The following PPP4R3A variants were observed in gnomAD, a reference collection of about 807,000 sequenced individuals.
PPP4R3A encodes the protein serine/threonine-protein phosphatase 4 regulatory subunit 3A.
PPP4R3A carries 15 observed loss-of-function variants against 91.7 expected under a neutral mutation model. The ratio of observed to expected loss-of-function variants is 0.16; its 90% CI spans 0.11 to 0.25. PPP4R3A has a LOEUF of 0.25. Ranked by LOEUF, PPP4R3A falls within the 10% of genes least tolerant of loss-of-function variation. PPP4R3A has a pLI of 1.00. For synonymous variants in PPP4R3A, 377 were observed against 348.7 expected (o/e 1.08, Z -0.91); for missense variants, 623 against 998.4 (o/e 0.62, Z 5.07).
Position 91,457,555 on chromosome 14 carries a change from T to G in PPP4R3A, c.*1204A>C, listed in dbSNP as rs1404068765. On this transcript the variant is annotated 3_prime_UTR_variant, in exon 15 of 15. Transcript: ENST00000554943. ...AGAAACCACCACTTACAAGTCAAAC[T>G]GGTATTCCAAAGGGAGTAGTTAAAA... The G allele has an allele frequency of 5.9e-5, 9 of 152,568 alleles. No individual in the cohort carries two copies. 9.5% of individuals were successfully genotyped at this position (152,568 alleles called of 1,614,324 possible).
At chr14:91,503,190 G>A (rs1891065247) in intron 1 of PPP4R3A, among the ~76,000 whole-genome samples, 1 of 152,064 alleles carries the variant, frequency 6.6e-6, no homozygotes, top group Non-Finnish European at 1.5e-5. Flanking sequence ...GTCTTGCTAT[G>A]TTGCCCAGGC....
chr14:91,461,540 G>T lies in PPP4R3A; in HGVS notation c.2232C>A (p.Phe744Leu), dbSNP rs889764726. The change falls in exon 14 of 15, where the codon TTC becomes TTA. Residue 744 changes from phenylalanine to leucine, a missense_variant. Physicochemically the swap from Phe to Leu is conservative, Grantham distance 22 (BLOSUM62 0). Transcript: ENST00000554943. ...TNLSGRQSPS[F>L]KLSLSSGTKT... ...TCGTTCCACTGGACAGGGAAAGCTT[G>T]AAACTTGGGCTCTGCCGTCCAGAAA... is the stretch of plus-strand genomic sequence containing the variant. The T allele has an allele frequency of 4.3e-6, 7 of 1,614,084 alleles. No homozygotes were observed. The highest frequency in any genetic ancestry group is 3.3e-5 in the Admixed American group (2 of 60,016).
intron 10 of PPP4R3A, among the ~76,000 whole-genome samples, chr14:91,469,509 T>TG (rs1595055520): frequency 2.0e-5 from 3 of 152,352 alleles, no homozygotes; most frequent in Non-Finnish European, 4.4e-5. Context: ...AATGTTGCCC[T>TG]GATAGGAAGT....
At chr14:91,471,284 T>A (rs1888815113) in intron 9 of PPP4R3A, among the ~76,000 whole-genome samples, 1 of 152,164 alleles carries the variant, frequency 6.6e-6, no homozygotes, top group Admixed American at 6.5e-5. Context: ...ATGATACAAA[T>A]CTAGAGTATC....
In PPP4R3A at chr14:91,461,803, C is replaced by T. The variant is rs1397333584; in HGVS notation, c.2165-196G>A. On this transcript the variant is annotated intron_variant, in intron 13 of 14. Transcript: ENST00000554943. ...ATCTTACCCCAGAGAAGAATTGAAACCTTCAGAATCATATTTAGTATCCCT... is the reference window on the plus strand; with the variant it reads ...ATCTTACCCCAGAGAAGAATTGAAATCTTCAGAATCATATTTAGTATCCCT... 1.1e-5 allele frequency: 9 copies of T among 839,526 alleles called. No homozygotes were observed. In the South Asian group the frequency reaches 1.6e-4, roughly 15 times the overall value. 52.0% of individuals were successfully genotyped at this position (839,526 alleles called of 1,614,324 possible).
At chr14:91,499,800 G>C (rs949817507) in intron 1 of PPP4R3A, among the ~76,000 whole-genome samples, 5 of 140,974 alleles carry the variant, frequency 3.5e-5, no homozygotes, top group African/African-American at 1.3e-4. Context: ...CAACCTGGGT[G>C]ACAGAGCGAG....
At position 91,468,667 on chromosome 14, in the gene PPP4R3A, CAAAA is replaced by C. The variant is rs766250846; in HGVS notation, c.1660+2166_1660+2169del. On this transcript the variant is annotated intron_variant, in intron 10 of 14. Coordinates refer to ENST00000554943, the MANE Select transcript of PPP4R3A (RefSeq NM_001366432.2). ...AAGGCGACAGAGTGAGACTCCGTCT[CAAAA>C]AAAAAAAAAAAAAAAAAAGGAAAAA... is the stretch of plus-strand genomic sequence containing the variant. Among the ~76,000 whole-genome samples, 29 of 45,044 alleles carry C rather than the reference CAAAA, an allele frequency of 6.4e-4. 1 individual carries two copies. Among genetic ancestry groups the C allele is most frequent in the Admixed American group, 9.3e-4 (2 of 2,142 alleles). 29.6% of individuals were successfully genotyped at this position (45,044 alleles called of 152,430 possible).
intron 1 of PPP4R3A, among the ~76,000 whole-genome samples, chr14:91,498,400 G>A (rs1032039046): frequency 6.6e-6 from 1 of 151,352 alleles, no homozygotes; most frequent in African/African-American, 2.4e-5. Context: ...TTTTCTTAAT[G>A]ATATTTTGTT....
At chr14:91,467,706 C>A (rs528477739) in intron 10 of PPP4R3A, among the ~76,000 whole-genome samples, 39 of 152,138 alleles carry the variant, frequency 2.6e-4, no homozygotes, top group Non-Finnish European at 5.0e-4. Flanking sequence ...CTATAAAGAC[C>A]GAGTTTAGAA....
At chr14:91,496,673 C>T (rs1256520269) in intron 1 of PPP4R3A, among the ~76,000 whole-genome samples, 3 of 152,132 alleles carry the variant, frequency 2.0e-5, no homozygotes, top group Non-Finnish European at 2.9e-5. Flanking sequence ...AGGGAAGTAT[C>T]CCCTGAAACT....
intron 1 of PPP4R3A, among the ~76,000 whole-genome samples, chr14:91,493,202 A>G (rs1890330853): frequency 6.6e-6 from 1 of 152,052 alleles, no homozygotes. Flanking sequence ...CAGCCTGGCC[A>G]ACATGGTTAA....
At chr14:91,507,413 CTAT>C (rs1209643592) in intron 1 of PPP4R3A, among the ~76,000 whole-genome samples, 3 of 95,118 alleles carry the variant, frequency 3.2e-5, no homozygotes, top group African/African-American at 7.2e-5. Flanking sequence ...ATTATATATA[CTAT>C]ATAATATATA....
intron 3 of PPP4R3A, among the ~76,000 whole-genome samples, chr14:91,485,338 A>G (rs1889818421): frequency 6.6e-6 from 1 of 152,234 alleles, no homozygotes; most frequent in Non-Finnish European, 1.5e-5. Context: ...TGGGATAGAT[A>G]TATGTGAGAA....
In PPP4R3A at chr14:91,473,840, C is replaced by T. The variant is rs185311568; in HGVS notation, c.1267-470G>A. Among the ~76,000 whole-genome samples, 183 of 113,636 alleles carry T rather than the reference C, an allele frequency of 1.6e-3. 1 individual carries two copies. Among genetic ancestry groups the T allele is most frequent in the African/African-American group, 6.0e-3 (178 of 29,886 alleles). The allele number at this position is 113,636 out of a possible 152,430, so 74.5% of individuals were successfully genotyped here. On this transcript the variant is annotated intron_variant, in intron 7 of 14. Coordinates refer to ENST00000554943, the MANE Select transcript of PPP4R3A (RefSeq NM_001366432.2). ...AGGCTGGAGTGCAATGGCACGATCT[C>T]GTCTTACTAACCTCCACCTCCCGGG...
At chr14:91,472,990 A>G in intron 9 of PPP4R3A, 43 bp downstream of exon 9, 1 of 1,572,862 alleles carries the variant, frequency 6.4e-7, no homozygotes, top group East Asian at 2.2e-5. Flanking sequence ...TGAATTCAGC[A>G]TTCAAGAACA....
intron 1 of PPP4R3A, among the ~76,000 whole-genome samples, chr14:91,502,976 T>C (rs566905454): frequency 2.0e-5 from 3 of 152,272 alleles, no homozygotes; most frequent in Non-Finnish European, 4.4e-5. Context: ...CTCCCTTACA[T>C]TTCTTTCTTT....
intron 1 of PPP4R3A, among the ~76,000 whole-genome samples, chr14:91,507,602 C>T (rs1465228035): frequency 2.2e-4 from 9 of 41,858 alleles, no homozygotes; most frequent in African/African-American, 6.0e-4. Flanking sequence ...ACATGTTATA[C>T]ATACTATAGT....
Position 91,458,709 on chromosome 14 carries a change from TGGA to T in PPP4R3A, c.*47_*49del. 1 of 1,613,574 alleles carries T rather than the reference TGGA, an allele frequency of 6.2e-7. No individual in the cohort carries two copies. The highest frequency in any genetic ancestry group is 1.3e-5 in the African/African-American group (1 of 74,954). On this transcript the variant is annotated 3_prime_UTR_variant, in exon 15 of 15. Coordinates refer to ENST00000554943, the MANE Select transcript of PPP4R3A (RefSeq NM_001366432.2). ...TTGTGGATTTTGTATGGGGGAGGGG[TGGA>T]GAACCAGTTTTTTTCAACAGGTACT...
chr14:91,483,428 G>C (rs954396459), intron 3 of PPP4R3A, among the ~76,000 whole-genome samples: 6 of 152,288 alleles, frequency 3.9e-5, no homozygotes, highest in Non-Finnish European at 5.9e-5. Context: ...CACATTCATG[G>C]CTTGTACCTG....
Sources: gnomAD v4.1 joint callset for allele counts (sites outside exome capture counted in the v4.1 genomes callset) on GRCh38, gnomAD v4.1.1 for gene constraint, MANE v1.5 for transcripts, NCBI Gene and HGNC (gene_info 2026-07-23, HGNC 2026-07-21) for gene names.